The following UPB1 variants were observed in gnomAD, a reference collection of about 807,000 sequenced individuals.
The protein encoded by UPB1 is beta-ureidopropionase.
Under a neutral mutation model 49.1 loss-of-function variants are expected in UPB1, and 40 were observed. The ratio of observed to expected loss-of-function variants is 0.81; its 90% CI spans 0.63 to 1.06. UPB1 has a LOEUF of 1.06. Ranked by LOEUF, UPB1 falls within the 50% of genes least tolerant of loss-of-function variation. The pLI, the probability that UPB1 is intolerant of heterozygous loss-of-function variation, is 0.00. For missense variants in UPB1, 499 were observed against 505.9 expected, an observed-to-expected ratio of 0.99 and a Z score of 0.13; for synonymous variants, 207 against 198.2, an observed-to-expected ratio of 1.04 and a Z score of -0.38.
chr22:24,505,072 G>T lies in UPB1; in HGVS notation c.364+2859G>T, dbSNP rs1024773456. Among the ~76,000 whole-genome samples the T allele has an allele frequency of 3.9e-5, 6 of 152,034 alleles. No individual in the cohort carries two copies. In the South Asian group the frequency reaches 1.2e-3, roughly 32 times the overall value. On this transcript the variant is annotated intron_variant, in intron 3 of 9. Transcript: ENST00000326010. The stretch of plus-strand genomic sequence containing the variant: ...TTGTCTTTTTGCTCAATTTTCTGGT[G>T]GATTTGATCTGATTTGTCAGTCAGC...
chr22:24,517,413 C>T (rs2044315903), intron 6 of UPB1, among the ~76,000 whole-genome samples: 1 of 152,220 alleles, frequency 6.6e-6, no homozygotes, highest in Non-Finnish European at 1.5e-5. Flanking sequence ...TAAAGCAGCC[C>T]CCTCTGCTGG....
intron 3 of UPB1, among the ~76,000 whole-genome samples, chr22:24,504,349 A>G (rs2044046391): frequency 6.6e-6 from 1 of 152,164 alleles, no homozygotes; most frequent in Admixed American, 6.5e-5. Context: ...GTTAGAAATC[A>G]TTTTCCTTCA....
intron 9 of UPB1, 120 bp downstream of exon 9, chr22:24,523,893 C>T: frequency 6.8e-7 from 1 of 1,466,068 alleles, no homozygotes; most frequent in South Asian, 1.1e-5. Flanking sequence ...CACCTGAGGG[C>T]TCTGTGTGAG....
intron 1 of UPB1, among the ~76,000 whole-genome samples, chr22:24,495,950 C>T (rs2043865119): frequency 6.6e-6 from 1 of 152,170 alleles, no homozygotes; most frequent in Admixed American, 6.5e-5. Flanking sequence ...AGGCTGTCTG[C>T]ATTTAGTTGG....
intron 6 of UPB1, chr22:24,520,170 G>T: frequency 1.6e-6 from 1 of 609,812 alleles, no homozygotes; most frequent in South Asian, 1.9e-5. Context: ...CCAGGGCAAG[G>T]TGCTGAGGAC....
Position 24,522,926 on chromosome 22 carries a change from A to G in UPB1, c.917-693A>G, listed in dbSNP as rs1234954514. On this transcript the variant is annotated intron_variant, in intron 8 of 9. Transcript: ENST00000326010. ...ACCATTGCACTCCAGCCTGGGCAAC[A>G]GGAGGGAAATGCCACCTAAAAAAAA... Among the ~76,000 whole-genome samples the G allele has an allele frequency of 2.1e-5, 3 of 145,238 alleles. No individual in the cohort carries two copies. The Admixed American group carries it at 2.1e-4, about 10-fold the overall frequency.
chr22:24,524,301 G>A (rs1479615507), intron 9 of UPB1, among the ~76,000 whole-genome samples: 2 of 152,076 alleles, frequency 1.3e-5, no homozygotes, highest in African/African-American at 4.8e-5. Flanking sequence ...TGTAAAATAC[G>A]GGGCTTAACT....
intron 5 of UPB1, 82 bp from the exon 6 acceptor site, chr22:24,515,119 T>C (rs992581885): frequency 4.5e-6 from 7 of 1,547,092 alleles, no homozygotes; most frequent in Non-Finnish European, 6.2e-6. Flanking sequence ...CTCTGGACTA[T>C]TGGTGATATT....
chr22:24,502,723 CT>C (rs1294027499), intron 3 of UPB1: 7 of 570,350 alleles, frequency 1.2e-5, no homozygotes, highest in African/African-American at 1.1e-4. Context: ...GAGCTAGTTC[CT>C]TTGGAATTTA....
At chr22:24,523,090 G>A (rs2044424290) in intron 8 of UPB1, among the ~76,000 whole-genome samples, 1 of 152,118 alleles carries the variant, frequency 6.6e-6, no homozygotes, top group Non-Finnish European at 1.5e-5. Flanking sequence ...ACTGCAAATA[G>A]AGATGCAGAA....
chr22:24,498,866 C>G (rs376387296), intron 1 of UPB1, among the ~76,000 whole-genome samples: 2 of 152,212 alleles, frequency 1.3e-5, no homozygotes, highest in Non-Finnish European at 2.9e-5. Context: ...GACACATAAG[C>G]CTTGCTCCTT....
At chr22:24,518,056 T>G (rs1478401614) in intron 6 of UPB1, 1 of 152,302 alleles carries the variant, frequency 6.6e-6, no homozygotes, top group African/African-American at 2.4e-5. Context: ...TCCCAGCTAC[T>G]TGGGAGGCTG....
In UPB1 at chr22:24,528,245, A is replaced by G. The variant is rs1358320400; in HGVS notation, c.*2451A>G. ...AAACAGGCATGAATAAATGGACCAC[A>G]ACTCTTTGATTATCTGCAACTCTCA... On this transcript the variant is annotated 3_prime_UTR_variant, in exon 10 of 10. Coordinates refer to ENST00000326010, the MANE Select transcript of UPB1 (RefSeq NM_016327.3). 1 of 152,260 alleles carries G rather than the reference A, an allele frequency of 6.6e-6. No homozygotes were observed. The highest frequency in any genetic ancestry group is 1.5e-5 in the Non-Finnish European group (1 of 68,054). The allele number at this position is 152,260 out of a possible 1,614,324, so 9.4% of individuals were successfully genotyped here. A position where few individuals can be genotyped will look rare whatever the true frequency, so the allele number is the denominator to read the frequency against.
chr22:24,500,100 C>G lies in UPB1; in HGVS notation c.105-7C>G, dbSNP rs144874140. 112 of 1,614,024 alleles carry G rather than the reference C, an allele frequency of 6.9e-5. No individual in the cohort carries two copies. The East Asian group carries it at 2.3e-3, about 34-fold the overall frequency. On this transcript the variant is annotated splice_polypyrimidine_tract_variant and splice_region_variant and intron_variant, in intron 1 of 9. Coordinates refer to ENST00000326010, the MANE Select transcript of UPB1 (RefSeq NM_016327.3). Reference sequence around the variant, plus strand: ...ATCCCCTTCCCTCTTTTTTCCTGCCCATCTAGGAAGCTTGATCTGCCCAGG... The same window carrying G: ...ATCCCCTTCCCTCTTTTTTCCTGCCGATCTAGGAAGCTTGATCTGCCCAGG...
At chr22:24,499,683 C>T (rs2071709230) in intron 1 of UPB1, among the ~76,000 whole-genome samples, 1 of 151,984 alleles carries the variant, frequency 6.6e-6, no homozygotes, top group South Asian at 2.1e-4. Context: ...ATTTTCCAAG[C>T]CCCTCGGCTC....
chr22:24,514,040 A>G (rs936459050), intron 5 of UPB1, among the ~76,000 whole-genome samples: 6 of 152,146 alleles, frequency 3.9e-5, no homozygotes, highest in African/African-American at 1.4e-4. Flanking sequence ...TGGGGGGGCC[A>G]TTTTGGTTGG....
chr22:24,502,865 A>C, intron 3 of UPB1: 1 of 249,124 alleles, frequency 4.0e-6, no homozygotes, highest in Non-Finnish European at 7.8e-6. Context: ...TCCTTGTTCT[A>C]TCCCCCCAGC....
In UPB1 at chr22:24,510,831, A is replaced by G; in HGVS notation, c.447A>G (p.Arg149=). The G allele has an allele frequency of 6.2e-7, 1 of 1,614,184 alleles. No individual in the cohort carries two copies. The highest frequency in any genetic ancestry group is 8.5e-7 in the Non-Finnish European group (1 of 1,180,010). Residue 149 remains arginine, a synonymous_variant, in exon 4 of 10, where the codon AGA becomes AGG. Coordinates refer to ENST00000326010, the MANE Select transcript of UPB1 (RefSeq NM_016327.3). The part of the protein sequence containing the change: ...AESAEDGPTT[R]FCQKLAKNHD... ...CAGCAGAGGATGGGCCCACCACCAG[A>G]TTCTGTCAGAAGGTAGGACATTAAC...
chr22:24,500,222 G>C lies in UPB1; in HGVS notation c.220G>C (p.Val74Leu). The C allele has an allele frequency of 6.2e-7, 1 of 1,614,224 alleles. No homozygotes were observed. The highest frequency in any genetic ancestry group is 8.5e-7 in the Non-Finnish European group (1 of 1,180,038). ...GCTGAGACGACCCCGCATTGTGCAC[G>C]TGGGGCTGGTTCAGAACAGAATCCC... is the stretch of plus-strand genomic sequence containing the variant. ...EQLRRPRIVH[V>L]GLVQNRIPLP... is the part of the protein sequence containing the mutation. The change falls in exon 2 of 10, where the codon GTG becomes CTG. Residue 74 changes from valine (V) to leucine (L), a missense_variant. Transcript: ENST00000326010.
Sources: allele counts gnomAD v4.1 joint callset (sites outside exome capture counted in the v4.1 genomes callset), GRCh38; gene constraint gnomAD v4.1.1; transcripts MANE v1.5; gene names NCBI Gene and HGNC (gene_info 2026-07-23, HGNC 2026-07-21).